Variants in ADAMTSL3 observed in about 807,000 individuals in gnomAD.
ADAMTSL3 encodes ADAMTS like 3.
In ADAMTSL3, 128 loss-of-function variants were observed where a neutral mutation model predicts 201.7. That is an observed-to-expected ratio of 0.63 (90% CI 0.55 to 0.73). ADAMTSL3 has a LOEUF of 0.73. Among genes scored for constraint, ADAMTSL3 ranks in the 30% least tolerant of loss-of-function variants. The pLI, the probability that ADAMTSL3 is intolerant of heterozygous loss-of-function variation, is 0.00. For synonymous variants in ADAMTSL3, 738 were observed against 748.4 expected (o/e 0.99, Z 0.23); for missense variants, 1,990 against 2,119.6 (o/e 0.94, Z 1.20).
chr15:83,784,904 G>T (rs1184075022), intron 4 of ADAMTSL3, among the ~76,000 whole-genome samples: 1 of 151,940 alleles, frequency 6.6e-6, no homozygotes, highest in Non-Finnish European at 1.5e-5. Flanking sequence ...GGTAGTCAAA[G>T]CATGGTTGAA....
chr15:83,980,244 C>T (rs144712295), intron 20 of ADAMTSL3, among the ~76,000 whole-genome samples: 4 of 152,292 alleles, frequency 2.6e-5, no homozygotes, highest in South Asian at 2.1e-4. Context: ...TGCCAGTAAC[C>T]GCCTGACTTG....
chr15:83,903,512 A>C (rs2065767779), intron 15 of ADAMTSL3, among the ~76,000 whole-genome samples: 2 of 152,120 alleles, frequency 1.3e-5, no homozygotes, highest in African/African-American at 4.8e-5. Context: ...CAAATACCCC[A>C]GGTAACTTTG....
chr15:83,815,793 G>A (rs2063762552), intron 5 of ADAMTSL3, among the ~76,000 whole-genome samples: 1 of 152,230 alleles, frequency 6.6e-6, no homozygotes, highest in African/African-American at 2.4e-5. Flanking sequence ...CCTAGTGTGT[G>A]TCTTTGGACT....
intron 2 of ADAMTSL3, among the ~76,000 whole-genome samples, chr15:83,668,781 A>G (rs775974072): frequency 2.6e-5 from 4 of 152,118 alleles, no homozygotes; most frequent in African/African-American, 7.2e-5. Context: ...GTGTGCATCA[A>G]TCTTGTGAAC....
At chr15:83,707,645 G>C (rs1426158) in intron 3 of ADAMTSL3, among the ~76,000 whole-genome samples, 1 of 152,132 alleles carries the variant, frequency 6.6e-6, no homozygotes, top group Non-Finnish European at 1.5e-5. Context: ...ACTTTTATCA[G>C]TATTACAGAT....
intron 17 of ADAMTSL3, among the ~76,000 whole-genome samples, chr15:83,939,209 T>G (rs2066512092): frequency 6.6e-6 from 1 of 152,158 alleles, no homozygotes. Context: ...TAAATCTGTT[T>G]ATGAGTGACA....
chr15:83,987,463 A>G (rs1024345096), intron 21 of ADAMTSL3, among the ~76,000 whole-genome samples: 3 of 152,248 alleles, frequency 2.0e-5, no homozygotes, highest in African/African-American at 7.2e-5. Flanking sequence ...CCTGCCCTTG[A>G]AAAGATCACA....
In ADAMTSL3 at chr15:83,982,465, G is replaced by T; in HGVS notation, c.2837G>T (p.Trp946Leu). 1 of 1,614,172 alleles carries T rather than the reference G, an allele frequency of 6.2e-7. No individual in the cohort carries two copies. The change falls in exon 21 of 30, where the codon TGG (tryptophan) becomes TTG (leucine). Residue 946 changes from tryptophan (W) to leucine (L), a missense_variant. Transcript: ENST00000286744. ...CGATTCCAGAAATCTCTGATCCAGT[G>T]GGAGAAGGATGGCCGTTGCCTGCAG... is the stretch of plus-strand genomic sequence containing the variant. ...VRRFQKSLIQWEKDGRCLQNS... is the reference protein window; with the variant it reads ...VRRFQKSLIQLEKDGRCLQNS...
intron 21 of ADAMTSL3, among the ~76,000 whole-genome samples, chr15:83,983,841 C>A (rs1260692049): frequency 6.6e-6 from 1 of 152,156 alleles, no homozygotes; most frequent in East Asian, 1.9e-4. Flanking sequence ...CCCATGACTA[C>A]TTCATGGCCA....
intron 17 of ADAMTSL3, among the ~76,000 whole-genome samples, chr15:83,937,072 A>G (rs1370707590): frequency 1.3e-5 from 2 of 151,032 alleles, no homozygotes; most frequent in Non-Finnish European, 2.9e-5. Flanking sequence ...GGGAATGTAA[A>G]TTAATTCAGC....
chr15:83,897,854 G>T lies in ADAMTSL3; in HGVS notation c.1468-4G>T. 2 of 1,583,374 alleles carry T rather than the reference G, an allele frequency of 1.3e-6. No individual in the cohort carries two copies. The highest frequency in any genetic ancestry group is 1.2e-5 in the South Asian group (1 of 86,414). Reference sequence around the variant, plus strand: ...TGCGTTGGCTTCTCTTTTCTTCTTTGAAGTGCACAGTGACTTGTGGCCGAG... The same window carrying T: ...TGCGTTGGCTTCTCTTTTCTTCTTTTAAGTGCACAGTGACTTGTGGCCGAG... On this transcript the variant is annotated splice_region_variant and splice_polypyrimidine_tract_variant and intron_variant, in intron 13 of 29. Transcript: ENST00000286744.
intron 16 of ADAMTSL3, among the ~76,000 whole-genome samples, chr15:83,915,337 A>G (rs535920288): frequency 1.1e-3 from 170 of 152,268 alleles, no homozygotes; most frequent in African/African-American, 4.0e-3. Flanking sequence ...TCAAAGAGAG[A>G]TGACCAGGTG....
chr15:84,036,840 C>T lies in ADAMTSL3; in HGVS notation c.4822C>T (p.Pro1608Ser). ...DVCWHTGPWK[P>S]CTAACGRGFQ... ...GTGTTGGCACACAGGCCCTTGGAAG[C>T]CCTGTACAGCAGCCTGTGGCAGGGG... Residue 1608 changes from proline to serine, a missense_variant, in exon 29 of 30, where the codon CCC becomes TCC. By Grantham distance (74) the Pro-to-Ser change is moderately conservative. Transcript: ENST00000286744. The T allele has an allele frequency of 6.2e-7, 1 of 1,614,000 alleles. No homozygotes were observed. The highest frequency in any genetic ancestry group is 1.6e-4 in the Middle Eastern group (1 of 6,062).
intron 5 of ADAMTSL3, among the ~76,000 whole-genome samples, chr15:83,808,336 A>G (rs1284188735): frequency 1.3e-5 from 2 of 152,234 alleles, no homozygotes; most frequent in African/African-American, 2.4e-5. Context: ...GCCTTAATGG[A>G]CATTTCTCAA....
At chr15:84,017,187 A>G (rs1034730291) in intron 25 of ADAMTSL3, among the ~76,000 whole-genome samples, 3 of 152,088 alleles carry the variant, frequency 2.0e-5, no homozygotes, top group Non-Finnish European at 4.4e-5. Context: ...GCGTGATCTC[A>G]GCTCACTGCA....
chr15:84,031,486 A>G (rs925939580), intron 28 of ADAMTSL3, 54 bp downstream of exon 28: 5 of 1,482,620 alleles, frequency 3.4e-6, no homozygotes, highest in Non-Finnish European at 4.7e-6. Flanking sequence ...ACTCAGGACA[A>G]TGATTATAAC....
intron 24 of ADAMTSL3, among the ~76,000 whole-genome samples, chr15:84,015,246 A>T (rs954446650): frequency 2.0e-5 from 3 of 152,160 alleles, no homozygotes; most frequent in African/African-American, 7.2e-5. Flanking sequence ...GCCCGGTCAG[A>T]TGTTAGTGTT....
At chr15:84,033,144 C>T (rs567022141) in intron 28 of ADAMTSL3, among the ~76,000 whole-genome samples, 45 of 152,172 alleles carry the variant, frequency 3.0e-4, no homozygotes, top group African/African-American at 1.0e-3. Flanking sequence ...AAACCACCAT[C>T]GTATCTCACC....
chr15:83,743,372 G>T (rs2062487838), intron 3 of ADAMTSL3, among the ~76,000 whole-genome samples: 1 of 151,784 alleles, frequency 6.6e-6, no homozygotes, highest in Non-Finnish European at 1.5e-5. Flanking sequence ...AATTAGCCGG[G>T]CGCGGTGGCG....
Sources: gnomAD v4.1 joint callset for allele counts (sites outside exome capture counted in the v4.1 genomes callset) on GRCh38, gnomAD v4.1.1 for gene constraint, MANE v1.5 for transcripts, NCBI Gene and HGNC (gene_info 2026-07-23, HGNC 2026-07-21) for gene names.